Variants in POU6F1 observed in about 807,000 individuals in gnomAD.
POU6F1 encodes the protein POU domain, class 6, transcription factor 1.
A neutral mutation model predicts 28.9 loss-of-function variants in POU6F1; 9 were observed. The observed-to-expected ratio is 0.31, with a 90% CI of 0.19 to 0.54. The LOEUF (loss-of-function observed/expected upper bound fraction) is 0.54, where lower values mean the gene tolerates loss of function less well. Ranked by LOEUF, POU6F1 falls within the 20% of genes least tolerant of loss-of-function variation. The pLI, the probability that POU6F1 is intolerant of heterozygous loss-of-function variation, is 0.94. For missense variants in POU6F1, 338 were observed against 426.1 expected, an observed-to-expected ratio of 0.79 and a Z score of 1.82; for synonymous variants, 173 against 171.1, an observed-to-expected ratio of 1.01 and a Z score of -0.09.
rs1242245592 is a variant in POU6F1, at chr12:51,188,939, A to G, written c.*1308T>C. On this transcript the variant is annotated 3_prime_UTR_variant, in exon 11 of 11. Transcript: ENST00000333640. Reference sequence around the variant, plus strand: ...ACTGAATTTTAGGGGCTTTCCAGCCACAGTGAGGCTGGAAACTCACTTAAC... The same window carrying G: ...ACTGAATTTTAGGGGCTTTCCAGCCGCAGTGAGGCTGGAAACTCACTTAAC... 6.6e-6 allele frequency: 1 copy of G among 152,190 alleles called. No individual in the cohort carries two copies. The highest frequency in any genetic ancestry group is 1.5e-5 in the Non-Finnish European group (1 of 68,032). The allele number at this position is 152,190 out of a possible 1,614,324, so 9.4% of individuals were successfully genotyped here.
chr12:51,195,401 G>T (rs1404500021), intron 8 of POU6F1, among the ~76,000 whole-genome samples: 1 of 152,138 alleles, frequency 6.6e-6, no homozygotes, highest in Non-Finnish European at 1.5e-5. Context: ...CACCTTATTT[G>T]TGTGTCCCTG....
chr12:51,213,735 T>C (rs911977424), intron 1 of POU6F1, among the ~76,000 whole-genome samples: 15 of 150,542 alleles, frequency 1.0e-4, no homozygotes, highest in East Asian at 2.1e-4. Context: ...GGTTTCCCCA[T>C]ATTGGCCAGG....
chr12:51,193,413 T>A (rs1223664360), intron 8 of POU6F1, among the ~76,000 whole-genome samples: 1 of 152,094 alleles, frequency 6.6e-6, no homozygotes, highest in Non-Finnish European at 1.5e-5. Flanking sequence ...CGACTCTTAC[T>A]AAAAATACAA....
At chr12:51,216,323 T>A (rs1361843610) in intron 1 of POU6F1, among the ~76,000 whole-genome samples, 1 of 152,234 alleles carries the variant, frequency 6.6e-6, no homozygotes, top group East Asian at 1.9e-4. Context: ...TGAGTCACTT[T>A]TCTTAACTGC....
chr12:51,198,884 G>T, intron 4 of POU6F1, 109 bp from the exon 5 acceptor site: 1 of 397,288 alleles, frequency 2.5e-6, no homozygotes, highest in South Asian at 1.4e-4. Flanking sequence ...AAAGCATTCT[G>T]AGGGCGATGG....
intron 2 of POU6F1, among the ~76,000 whole-genome samples, chr12:51,206,384 C>T (rs2137190035): frequency 6.6e-6 from 1 of 150,882 alleles, no homozygotes; most frequent in East Asian, 2.0e-4. Context: ...GATTGCGCCA[C>T]TGCACTCCAG....
Position 51,201,265 on chromosome 12 carries a change from G to C in POU6F1, c.245-1397C>G, listed in dbSNP as rs541407497. 6.6e-5 allele frequency among the ~76,000 whole-genome samples: 10 copies of C among 152,256 alleles called. No homozygotes were observed. The South Asian group carries it at 2.1e-3, about 32-fold the overall frequency. On this transcript the variant is annotated intron_variant, in intron 3 of 10. Coordinates refer to ENST00000333640, the MANE Select transcript of POU6F1 (RefSeq NM_001330422.2). ...TCACAGCATGCAATAATAAAACCCA[G>C]GTAGTTTAAGGAATTCAAGAGACAA...
rs756735155 is a variant in POU6F1, at chr12:51,190,436, G to A, written c.1647C>T (p.Thr549=). Residue 549 remains threonine, a synonymous_variant, in exon 11 of 11, where the codon ACC becomes ACT. Coordinates refer to ENST00000333640, the MANE Select transcript of POU6F1 (RefSeq NM_001330422.2). The surrounding 1 kb of genome is among the most constrained non-coding windows in gnomAD (Gnocchi z 4.5). ...GEPSKKRKRR[T]SFTPQAIEAL... ...CCTCTATGGCCTGGGGGGTGAAGGA[G>A]GTGCGGCGTTTGCGTTTCTTGGAGG... 6.2e-7 allele frequency: 1 copy of A among 1,614,154 alleles called. No homozygotes were observed. The highest frequency in any genetic ancestry group is 1.1e-5 in the South Asian group (1 of 91,078).
chr12:51,209,418 T>G (rs1318787815), intron 1 of POU6F1, among the ~76,000 whole-genome samples: 1 of 152,248 alleles, frequency 6.6e-6, no homozygotes, highest in East Asian at 1.9e-4. Flanking sequence ...TTCTTTTACT[T>G]GGCATGTTTC....
At chr12:51,212,072 T>G (rs1005454613) in intron 1 of POU6F1, among the ~76,000 whole-genome samples, 4 of 108,932 alleles carry the variant, frequency 3.7e-5, no homozygotes, top group African/African-American at 1.5e-4. Context: ...GTTTTTTTTT[T>G]TGTTTTTTTT....
intron 2 of POU6F1, among the ~76,000 whole-genome samples, chr12:51,206,008 A>G (rs6580807): frequency 1 from 147,417 of 148,152 alleles, 73,342 homozygotes; most frequent in East Asian, 1. Context: ...TTGTAGAGAC[A>G]GGGTTTCACC....
intron 1 of POU6F1, among the ~76,000 whole-genome samples, chr12:51,213,123 G>A (rs1944112121): frequency 1.3e-5 from 2 of 152,130 alleles, no homozygotes; most frequent in African/African-American, 4.8e-5. Context: ...TTTTAGTAGA[G>A]ACGGGGTTTC....
Position 51,190,252 on chromosome 12 carries a change from G to A in POU6F1, c.1831C>T (p.Pro611Ser). ...ACAGGGCCAGGGGCTGAGCCCTAAG[G>A]GATCTGAAAGACGTTCAGCTTGCTG... ...NTSKLNVFQIP is the reference protein window; with the variant it reads ...NTSKLNVFQIS Residue 611 changes from proline to serine, a missense_variant, in exon 11 of 11, where the codon CCT becomes TCT. Physicochemically the swap from Pro to Ser is moderately conservative, Grantham distance 74. This residue lies in a region of POU6F1 where 126 missense variants were observed against 176.5 expected (regional missense o/e 0.71). Transcript: ENST00000333640. The surrounding 1 kb of genome is among the most constrained non-coding windows in gnomAD (Gnocchi z 4.5). 1 of 1,614,042 alleles carries A rather than the reference G, an allele frequency of 6.2e-7. No homozygotes were observed. The highest frequency in any genetic ancestry group is 1.7e-4 in the Middle Eastern group (1 of 6,034).
At position 51,189,115 on chromosome 12, in the gene POU6F1, C is replaced by T. The variant is rs1446195647; in HGVS notation, c.*1132G>A. 3 of 152,138 alleles carry T rather than the reference C, an allele frequency of 2.0e-5. No individual in the cohort carries two copies. The highest frequency in any genetic ancestry group is 4.8e-5 in the African/African-American group (2 of 41,430). 9.4% of individuals were successfully genotyped at this position (152,138 alleles called of 1,614,324 possible). A position where few individuals can be genotyped will look rare whatever the true frequency, so the allele number is the denominator to read the frequency against. On this transcript the variant is annotated 3_prime_UTR_variant, in exon 11 of 11. Coordinates refer to ENST00000333640, the MANE Select transcript of POU6F1 (RefSeq NM_001330422.2). ...TGAGACTCGACAAAATGAGATTTCT[C>T]CTCCCGTATCCAAGGCTTAAAGTTA...
At chr12:51,201,048 C>T (rs1374212476) in intron 3 of POU6F1, among the ~76,000 whole-genome samples, 6 of 152,188 alleles carry the variant, frequency 3.9e-5, no homozygotes, top group Non-Finnish European at 8.8e-5. Context: ...TAATCCAGGC[C>T]TACTGAATCA....
intron 8 of POU6F1, among the ~76,000 whole-genome samples, chr12:51,192,987 G>A (rs1016251629): frequency 1.3e-5 from 2 of 151,908 alleles, no homozygotes; most frequent in Non-Finnish European, 2.9e-5. Flanking sequence ...AATAAGCACA[G>A]CAACCTGCCC....
At chr12:51,208,456 G>A (rs1317510762) in intron 1 of POU6F1, among the ~76,000 whole-genome samples, 1 of 152,188 alleles carries the variant, frequency 6.6e-6, no homozygotes, top group South Asian at 2.1e-4. Flanking sequence ...AACCCTGGGG[G>A]CGTGGGGAAT....
intron 1 of POU6F1, among the ~76,000 whole-genome samples, chr12:51,215,008 T>A (rs1432035536): frequency 2.0e-5 from 3 of 152,178 alleles, no homozygotes; most frequent in South Asian, 4.1e-4. Flanking sequence ...GTAGGTATGT[T>A]CCTAGTAGAC....
chr12:51,204,973 G>C (rs1359231084), intron 2 of POU6F1, among the ~76,000 whole-genome samples: 1 of 151,796 alleles, frequency 6.6e-6, no homozygotes, highest in African/African-American at 2.4e-5. Context: ...CTGAAACAAG[G>C]GTCAAGAATC....
Sources: gnomAD v4.1 joint callset for allele counts (sites outside exome capture counted in the v4.1 genomes callset) on GRCh38, gnomAD v4.1.1 for gene constraint, gnomAD v4.1.1 regional missense constraint, Gnocchi (gnomAD v3.1) non-coding constraint, MANE v1.5 for transcripts, NCBI Gene and HGNC (gene_info 2026-07-23, HGNC 2026-07-21) for gene names.